PPP4R2: variants seen among roughly 807,000 people sequenced by gnomAD.
The protein encoded by PPP4R2 is protein phosphatase 4 regulatory subunit 2, also known as serine/threonine-protein phosphatase 4 regulatory subunit 2.
PPP4R2 carries 13 observed loss-of-function variants against 47.2 expected under a neutral mutation model. That is an observed-to-expected ratio of 0.28 (90% CI 0.18 to 0.44). The LOEUF is 0.44. Among genes scored for constraint, PPP4R2 ranks in the 20% least tolerant of loss-of-function variants. The probability of loss-of-function intolerance (pLI) is 1.00; values close to 1 mark genes in which losing one functional copy is unlikely to be tolerated. For missense variants in PPP4R2, 421 were observed against 491.2 expected (o/e 0.86, Z 1.35); for synonymous variants, 151 against 163.3 (o/e 0.92, Z 0.57).
chr3:73,007,980 T>A (rs1405828709), intron 2 of PPP4R2, among the ~76,000 whole-genome samples: 1 of 151,970 alleles, frequency 6.6e-6, no homozygotes. Context: ...TCCCTCAAAA[T>A]TTTTTTTAAG....
chr3:73,001,507 G>C (rs183199488), intron 2 of PPP4R2, among the ~76,000 whole-genome samples: 287 of 152,288 alleles, frequency 1.9e-3, no homozygotes, highest in African/African-American at 6.3e-3. Flanking sequence ...CTGGGAGGTT[G>C]AGGCTGCAGT....
intron 3 of PPP4R2, among the ~76,000 whole-genome samples, chr3:73,051,757 C>CT (rs1158970121): frequency 1.6e-4 from 24 of 152,146 alleles, no homozygotes; most frequent in Non-Finnish European, 3.4e-4. Flanking sequence ...TCCCCAGTAG[C>CT]TGGGACTACA....
chr3:73,048,936 T>A (rs1034325980), intron 3 of PPP4R2, among the ~76,000 whole-genome samples: 1 of 152,110 alleles, frequency 6.6e-6, no homozygotes, highest in African/African-American at 2.4e-5. Context: ...GGGGGAGAAA[T>A]CATAGCTTTT....
At chr3:73,006,925 G>C (rs1701621574) in intron 2 of PPP4R2, among the ~76,000 whole-genome samples, 1 of 125,320 alleles carries the variant, frequency 8.0e-6, no homozygotes, top group African/African-American at 3.3e-5. Flanking sequence ...GTGACTATCA[G>C]TTTTTCCTCA....
chr3:73,018,188 A>G (rs2107243539), intron 2 of PPP4R2, among the ~76,000 whole-genome samples: 1 of 152,236 alleles, frequency 6.6e-6, no homozygotes, highest in East Asian at 1.9e-4. Flanking sequence ...TGACCCTTAC[A>G]CAACACAGGT....
rs371567595 is a variant in PPP4R2, at chr3:73,062,424, C to T, written c.420-1249C>T. On this transcript the variant is annotated intron_variant, in intron 5 of 8. Coordinates refer to ENST00000356692, the MANE Select transcript of PPP4R2 (RefSeq NM_174907.4). ...AGCCAAGTCTATGCTAGACCCAGCA[C>T]ATAAATCTCATTTCCACCCTGTGAC... is the stretch of plus-strand genomic sequence containing the variant. 7.4e-6 allele frequency: 12 copies of T among 1,611,288 alleles called. No individual in the cohort carries two copies. In the African/African-American group the frequency reaches 1.2e-4, roughly 16 times the overall value.
rs950546175 is a variant in PPP4R2, at chr3:73,065,666, A to G, written c.1198A>G (p.Met400Val). Residue 400 changes from methionine to valine, a missense_variant, in exon 9 of 9, where the codon ATG (methionine) becomes GTG (valine). Physicochemically the swap from Met to Val is conservative, Grantham distance 21 (BLOSUM62 1). This residue lies in a region of PPP4R2 where 317 missense variants were observed against 287.5 expected (regional missense o/e 1.10). Coordinates refer to ENST00000356692, the MANE Select transcript of PPP4R2 (RefSeq NM_174907.4). Reference sequence around the variant, plus strand: ...TGGAGAGATTCTTTCAGAATCATCCATGGAAAATGATGACGAAGCCACAGA... The same window carrying G: ...TGGAGAGATTCTTTCAGAATCATCCGTGGAAAATGATGACGAAGCCACAGA... ...KTGEILSESS[M>V]ENDDEATEVT... The G allele has an allele frequency of 9.3e-6, 15 of 1,610,482 alleles. No individual in the cohort carries two copies. Among genetic ancestry groups the G allele is most frequent in the East Asian group, 4.5e-5 (2 of 44,772 alleles).
chr3:73,036,827 TACACAAAATA>T (rs1702270933), intron 2 of PPP4R2, among the ~76,000 whole-genome samples: 1 of 152,036 alleles, frequency 6.6e-6, no homozygotes, highest in Admixed American at 6.6e-5. Flanking sequence ...TATATAAAAT[TACACAAAATA>T]AACGAATACC....
intron 1 of PPP4R2, chr3:72,997,340 C>A: frequency 2.6e-6 from 1 of 379,252 alleles, no homozygotes; most frequent in Non-Finnish European, 4.7e-6. Context: ...TTTCTCCCAC[C>A]CGTTCAGGGG....
intron 2 of PPP4R2, among the ~76,000 whole-genome samples, chr3:73,034,416 T>G (rs1702225720): frequency 6.6e-6 from 1 of 152,250 alleles, no homozygotes; most frequent in Non-Finnish European, 1.5e-5. Flanking sequence ...TTCCTACCAG[T>G]TAGTGGACAC....
At chr3:73,013,721 C>T (rs545681338) in intron 2 of PPP4R2, among the ~76,000 whole-genome samples, 1 of 152,120 alleles carries the variant, frequency 6.6e-6, no homozygotes, top group Non-Finnish European at 1.5e-5. Flanking sequence ...TCACTGCAGC[C>T]TCCACCTCCT....
intron 2 of PPP4R2, among the ~76,000 whole-genome samples, chr3:73,030,792 C>T (rs565766373): frequency 6.6e-6 from 1 of 151,858 alleles, no homozygotes; most frequent in Non-Finnish European, 1.5e-5. Flanking sequence ...TCCTACGCCT[C>T]CCGGATTCAA....
chr3:73,016,819 T>C (rs1178812647), intron 2 of PPP4R2, among the ~76,000 whole-genome samples: 28 of 57,546 alleles, frequency 4.9e-4, no homozygotes, highest in Non-Finnish European at 1.0e-3. Context: ...GTTTCTTTTT[T>C]TTTTTTTTTT....
chr3:73,005,573 G>C (rs1483992023), intron 2 of PPP4R2, among the ~76,000 whole-genome samples: 2 of 151,996 alleles, frequency 1.3e-5, no homozygotes. Context: ...TACGGGCCGG[G>C]TGCGGTGGCT....
intron 2 of PPP4R2, among the ~76,000 whole-genome samples, chr3:73,005,632 T>C (rs1019481653): frequency 4.0e-5 from 6 of 151,898 alleles, no homozygotes; most frequent in African/African-American, 1.5e-4. Flanking sequence ...GCGGATCACC[T>C]GAGGTCGGGA....
chr3:73,030,445 G>T (rs1259668067), intron 2 of PPP4R2, among the ~76,000 whole-genome samples: 1 of 152,110 alleles, frequency 6.6e-6, no homozygotes, highest in Non-Finnish European at 1.5e-5. Context: ...TAGGGTTGAG[G>T]TGAGAAGATA....
rs868758646 is a variant in PPP4R2 at position 72,996,975 on chromosome 3, G to A, written c.-63G>A. The A allele has an allele frequency of 1.4e-4, 173 of 1,247,986 alleles. 5 individuals carry two copies. In the Middle Eastern group the frequency reaches 0.011, roughly 78 times the overall value. 77.3% of individuals were successfully genotyped at this position (1,247,986 alleles called of 1,614,324 possible). On this transcript the variant is annotated 5_prime_UTR_variant, in exon 1 of 9. Coordinates refer to ENST00000356692, the MANE Select transcript of PPP4R2 (RefSeq NM_174907.4). ...GGAGGGCGTCGGGGGGGTGGGGGGA[G>A]GCGTTCCGGTCCCCAAGAGACCCGC... is the stretch of plus-strand genomic sequence containing the variant.
intron 4 of PPP4R2, 89 bp from the exon 5 acceptor site, chr3:73,060,934 C>A: frequency 2.4e-6 from 2 of 826,496 alleles, no homozygotes; most frequent in South Asian, 2.2e-5. Flanking sequence ...GGAATTTAAC[C>A]CACCAGAGTG....
chr3:72,997,114 G>C, intron 1 of PPP4R2, 43 bp downstream of exon 1: 1 of 1,313,550 alleles, frequency 7.6e-7, no homozygotes, highest in South Asian at 2.1e-5. Flanking sequence ...CACCTTCTCC[G>C]GCTCGCTCTT....
Sources: allele counts gnomAD v4.1 joint callset (sites outside exome capture counted in the v4.1 genomes callset), GRCh38; gene constraint gnomAD v4.1.1; regional missense constraint gnomAD v4.1.1; transcripts MANE v1.5; gene names NCBI Gene and HGNC (gene_info 2026-07-23, HGNC 2026-07-21).